DNAH6: variants seen among roughly 807,000 people sequenced by gnomAD.
DNAH6 encodes the protein dynein axonemal heavy chain 6, also known as axonemal beta dynein heavy chain 6.
In DNAH6, 340 loss-of-function variants were observed where a neutral mutation model predicts 491.4. That is an observed-to-expected ratio of 0.69 (90% confidence interval 0.63 to 0.76). The LOEUF (loss-of-function observed/expected upper bound fraction) is 0.76, where lower values mean the gene tolerates loss of function less well. DNAH6 is among the 30% of genes least tolerant of loss of function. DNAH6 has a pLI of 0.00. For synonymous variants in DNAH6, 1,603 were observed against 1,686.1 expected (o/e 0.95, Z 1.21); for missense variants, 4,443 against 4,972.2 (o/e 0.89, Z 3.20).
rs995875149 is a variant in DNAH6 at position 84,814,052 on chromosome 2, G to A, written c.12080G>A (p.Arg4027Gln). The A allele has an allele frequency of 6.4e-6, 10 of 1,551,580 alleles. No individual in the cohort carries two copies. Among genetic ancestry groups the A allele is most frequent in the East Asian group, 2.4e-5 (1 of 40,936 alleles). ...SFKYSVIPTY[R>Q]DQAAVIEAAK... ...AAATACAGCGTAATTCCCACCTATCGGGATCAAGCTGCAGTGATAGAAGCT... is the reference window on the plus strand; with the variant it reads ...AAATACAGCGTAATTCCCACCTATCAGGATCAAGCTGCAGTGATAGAAGCT... Residue 4027 changes from arginine (R) to glutamine (Q), a missense_variant, in exon 75 of 77, where the codon CGG (arginine) becomes CAG (glutamine). Arg to Gln is a conservative substitution (Grantham distance 43, BLOSUM62 1). Transcript: ENST00000389394.
At chr2:84,482,413 G>C in the DNAH6 span, among the ~76,000 whole-genome samples, 1 of 152,168 alleles carries the variant, frequency 6.6e-6, no homozygotes, top group Non-Finnish European at 1.5e-5. Context: ...CAAAGTTTTG[G>C]ATCTTCCTGA....
At chr2:84,505,632 A>G in the DNAH6 span, among the ~76,000 whole-genome samples, 10 of 152,174 alleles carry the variant, frequency 6.6e-5, no homozygotes, top group Non-Finnish European at 1.3e-4. Flanking sequence ...ATATGTATAC[A>G]TGTGCCATGT....
chr2:84,704,394 C>T, intron 51 of DNAH6, 92 bp downstream of exon 51: 7 of 926,068 alleles, frequency 7.6e-6, no homozygotes. Flanking sequence ...ATTCCCTTCT[C>T]CACCTTCTCA....
chr2:84,582,694 C>T (rs1234416856), intron 14 of DNAH6, among the ~76,000 whole-genome samples: 5 of 152,150 alleles, frequency 3.3e-5, no homozygotes, highest in Non-Finnish European at 5.9e-5. Flanking sequence ...CCTCATGATC[C>T]GCCTGCCTCA....
At chr2:84,753,781 T>TAAAAAAAAAAA (rs1673712789) in intron 63 of DNAH6, among the ~76,000 whole-genome samples, 5 of 84,984 alleles carry the variant, frequency 5.9e-5, no homozygotes, top group African/African-American at 2.0e-4. Context: ...AAAAAAAAAG[T>TAAAAAAAAAAA]ACAGTTTTGG....
chr2:84,666,217 C>T (rs1345042717), intron 37 of DNAH6, among the ~76,000 whole-genome samples: 1 of 152,168 alleles, frequency 6.6e-6, no homozygotes, highest in Admixed American at 6.5e-5. Context: ...TCTCTCACCA[C>T]TCCTATTCAA....
At chr2:84,576,822 A>C (rs1682496423) in intron 12 of DNAH6, among the ~76,000 whole-genome samples, 1 of 152,156 alleles carries the variant, frequency 6.6e-6, no homozygotes, top group Non-Finnish European at 1.5e-5. Context: ...AACAGAGATA[A>C]TTTTAGCTAT....
chr2:84,480,028 T>G, the DNAH6 span, among the ~76,000 whole-genome samples: 1 of 152,220 alleles, frequency 6.6e-6, no homozygotes, highest in African/African-American at 2.4e-5. Context: ...TGTTTGGCCT[T>G]AAAAGGAAGC....
rs1573543205 is a variant in DNAH6 at position 84,704,085 on chromosome 2, G to A, written c.8248G>A (p.Glu2750Lys). The change falls in exon 51 of 77, where the codon GAG becomes AAG. Residue 2750 changes from glutamate to lysine, a missense_variant. Physicochemically the swap from Glu to Lys is moderately conservative, Grantham distance 56. Transcript: ENST00000389394. ...TGGTTAGGTCCGTAACACTGTGCAG[G>A]AGGATGAAGCAACAGCAAAAGTCAA... ...SADQVRNTVQEDEATAKVKAE... is the reference protein window; with the variant it reads ...SADQVRNTVQKDEATAKVKAE... 1.3e-6 allele frequency: 2 copies of A among 1,551,712 alleles called. No individual in the cohort carries two copies. Among genetic ancestry groups the A allele is most frequent in the South Asian group, 1.2e-5 (1 of 84,054 alleles).
intron 45 of DNAH6, among the ~76,000 whole-genome samples, chr2:84,691,761 A>G (rs1319020183): frequency 6.6e-6 from 1 of 152,254 alleles, no homozygotes; most frequent in African/African-American, 2.4e-5. Context: ...TTCACATATC[A>G]TGAAATATTA....
intron 63 of DNAH6, among the ~76,000 whole-genome samples, chr2:84,748,801 A>G (rs13004624): frequency 0.25 from 38,089 of 152,132 alleles, 5,938 homozygotes; most frequent in Non-Finnish European, 0.34. Context: ...ATTTAGAAAT[A>G]CCTGAGGCTG....
intron 60 of DNAH6, among the ~76,000 whole-genome samples, chr2:84,727,187 T>C (rs1698717957): frequency 6.6e-6 from 1 of 152,174 alleles, no homozygotes; most frequent in South Asian, 2.1e-4. Context: ...CACCTCTGTT[T>C]TCCAGAGTTT....
At chr2:84,528,663 C>A (rs1028058119) in intron 3 of DNAH6, among the ~76,000 whole-genome samples, 3 of 151,982 alleles carry the variant, frequency 2.0e-5, no homozygotes, top group African/African-American at 7.2e-5. Context: ...GAGGAGAAGG[C>A]AATGGAAGCT....
rs578130052 is a variant in DNAH6 at position 84,700,878 on chromosome 2, T to C, written c.7819-219T>C. On this transcript the variant is annotated intron_variant, in intron 48 of 76. Transcript: ENST00000389394. The stretch of plus-strand genomic sequence containing the variant: ...TATTGAGCAACTTCCGTGTGCATGA[T>C]ACTGTGGAGACATACTGGTCACTAA... 6.6e-5 allele frequency among the ~76,000 whole-genome samples: 10 copies of C among 152,296 alleles called. No individual in the cohort carries two copies. In the East Asian group the frequency reaches 1.9e-3, roughly 29 times the overall value.
At chr2:84,678,698 A>G (rs1326642984) in intron 41 of DNAH6, among the ~76,000 whole-genome samples, 2 of 152,184 alleles carry the variant, frequency 1.3e-5, no homozygotes, top group Non-Finnish European at 2.9e-5. Flanking sequence ...TGTGTCACCC[A>G]TGGGAACATC....
At chr2:84,666,079 C>T (rs1407457934) in intron 37 of DNAH6, among the ~76,000 whole-genome samples, 1 of 152,058 alleles carries the variant, frequency 6.6e-6, no homozygotes, top group African/African-American at 2.4e-5. Context: ...TCTCAATAAA[C>T]TAGATATTGA....
rs1181928389 is a variant in DNAH6, at chr2:84,685,498, T to C, written c.7063+26T>C. The C allele has an allele frequency of 2.9e-6, 4 of 1,356,440 alleles. No homozygotes were observed. In the East Asian group the frequency reaches 7.9e-5, roughly 27 times the overall value. The allele number at this position is 1,356,440 out of a possible 1,614,324, so 84.0% of individuals were successfully genotyped here. On this transcript the variant is annotated intron_variant, in intron 43 of 76. Transcript: ENST00000389394. Reference sequence around the variant, plus strand: ...GTAAATATGAATCTTTACCTATTCTTTTTTTTATTTGAGTAGAAAAGCAAT... The same window carrying C: ...GTAAATATGAATCTTTACCTATTCTCTTTTTTATTTGAGTAGAAAAGCAAT...
chr2:84,611,912 T>C, intron 22 of DNAH6, 58 bp downstream of exon 22: 1 of 1,428,980 alleles, frequency 7.0e-7, no homozygotes. Flanking sequence ...AGTCTGGGAC[T>C]TTAGTCCCAG....
rs1259273761 is a variant in DNAH6, at chr2:84,584,165, C to T, written c.2396C>T (p.Ser799Leu). 1.2e-6 allele frequency: 2 copies of T among 1,614,090 alleles called. No homozygotes were observed. Among genetic ancestry groups the T allele is most frequent in the South Asian group, 2.2e-5 (2 of 91,066 alleles). Residue 799 changes from serine to leucine, a missense_variant, in exon 15 of 77, where the codon TCA (serine) becomes TTA (leucine). Physicochemically the swap from Ser to Leu is moderately radical, Grantham distance 145 (BLOSUM62 -2). Coordinates refer to ENST00000389394, the MANE Select transcript of DNAH6 (RefSeq NM_001370.2). ...GATAAATCAGTGGGTGATAGAGAAT[C>T]AAGCATTAAGCAATTTTGTGTGCAT... ...AIDKSVGDRE[S>L]SIKQFCVHLG...
Sources: allele counts gnomAD v4.1 joint callset (sites outside exome capture counted in the v4.1 genomes callset), GRCh38; gene constraint gnomAD v4.1.1; transcripts MANE v1.5; gene names NCBI Gene and HGNC (gene_info 2026-07-23, HGNC 2026-07-21).